TMEFF2: variants seen among roughly 807,000 people sequenced by gnomAD.
TMEFF2 encodes the protein transmembrane protein with EGF like and two follistatin like domains 2.
A neutral mutation model predicts 53.8 loss-of-function variants in TMEFF2; 28 were observed. That is an observed-to-expected ratio of 0.52 (90% CI 0.39 to 0.71). The LOEUF is 0.71. Ranked by LOEUF, TMEFF2 falls within the 30% of genes least tolerant of loss-of-function variation. The pLI is 0.00. For synonymous variants in TMEFF2, 162 were observed against 166.3 expected, an observed-to-expected ratio of 0.97 and a Z score of 0.20; for missense variants, 353 against 455.2, an observed-to-expected ratio of 0.78 and a Z score of 2.04.
In TMEFF2 at chr2:191,950,249, T is replaced by C; in HGVS notation, c.*62A>G. ...AGATCTCTTGTCTTATTCTTTTGTCTATAATACTGTATTGTGTAGTCCAAG... is the reference window on the plus strand; with the variant it reads ...AGATCTCTTGTCTTATTCTTTTGTCCATAATACTGTATTGTGTAGTCCAAG... On this transcript the variant is annotated 3_prime_UTR_variant, in exon 10 of 10. Transcript: ENST00000272771. 1 of 1,441,892 alleles carries C rather than the reference T, an allele frequency of 6.9e-7. No individual in the cohort carries two copies. The highest frequency in any genetic ancestry group is 9.2e-7 in the Non-Finnish European group (1 of 1,092,642). The allele number at this position is 1,441,892 out of a possible 1,614,324, so 89.3% of individuals were successfully genotyped here.
chr2:192,117,305 A>C (rs531330260), intron 4 of TMEFF2, among the ~76,000 whole-genome samples: 1 of 152,296 alleles, frequency 6.6e-6, no homozygotes, highest in South Asian at 2.1e-4. Flanking sequence ...GTAGACTTAA[A>C]ATTATTTAAT....
intron 4 of TMEFF2, among the ~76,000 whole-genome samples, chr2:192,101,991 T>C (rs1469986573): frequency 6.6e-6 from 1 of 152,174 alleles, no homozygotes; most frequent in Non-Finnish European, 1.5e-5. Context: ...AATGAGATTC[T>C]ACATATAAAG....
At chr2:191,972,964 ATAAT>A (rs1339892248) in intron 7 of TMEFF2, among the ~76,000 whole-genome samples, 1 of 152,222 alleles carries the variant, frequency 6.6e-6, no homozygotes, top group African/African-American at 2.4e-5. Context: ...TAGCTACTAA[ATAAT>A]AGTAAGATAA....
Position 191,950,066 on chromosome 2 carries a change from G to A in TMEFF2, c.*245C>T. 11 of 1,215,728 alleles carry A rather than the reference G, an allele frequency of 9.0e-6. No homozygotes were observed. Among genetic ancestry groups the A allele is most frequent in the Non-Finnish European group, 1.1e-5 (11 of 968,232 alleles). The allele number at this position is 1,215,728 out of a possible 1,614,324, so 75.3% of individuals were successfully genotyped here. On this transcript the variant is annotated 3_prime_UTR_variant, in exon 10 of 10. Coordinates refer to ENST00000272771, the MANE Select transcript of TMEFF2 (RefSeq NM_016192.4). ...TTATATATAACAAATACATGGGAAA[G>A]AAAAAACTATATTGTGTGATATAAA...
At chr2:191,993,301 A>G (rs1350680810) in intron 7 of TMEFF2, among the ~76,000 whole-genome samples, 1 of 152,066 alleles carries the variant, frequency 6.6e-6, no homozygotes, top group Non-Finnish European at 1.5e-5. Context: ...TTTCTTCCAC[A>G]TTTCAGACCT....
chr2:192,009,759 C>A lies in TMEFF2; in HGVS notation c.537-10551G>T, dbSNP rs188518919. The stretch of plus-strand genomic sequence containing the variant: ...GAAATATGATTAAGGTAGGAGAACA[C>A]CTTAATTTTATCTGTAATATTATGG... On this transcript the variant is annotated intron_variant, in intron 5 of 9. Coordinates refer to ENST00000272771, the MANE Select transcript of TMEFF2 (RefSeq NM_016192.4). Among the ~76,000 whole-genome samples, 3 of 152,172 alleles carry A rather than the reference C, an allele frequency of 2.0e-5. No individual in the cohort carries two copies. In the East Asian group the frequency reaches 5.8e-4, roughly 29 times the overall value.
chr2:192,053,672 T>C (rs1228050266), intron 5 of TMEFF2, among the ~76,000 whole-genome samples: 1 of 152,218 alleles, frequency 6.6e-6, no homozygotes, highest in Non-Finnish European at 1.5e-5. Flanking sequence ...TATTTTATGT[T>C]TGAGAGAACC....
intron 4 of TMEFF2, among the ~76,000 whole-genome samples, chr2:192,091,441 G>A (rs531111036): frequency 6.6e-6 from 1 of 152,098 alleles, no homozygotes; most frequent in African/African-American, 2.4e-5. Context: ...TTGCACAAAG[G>A]AAAGAAAAGC....
chr2:192,088,641 C>T (rs1688719131), intron 4 of TMEFF2, among the ~76,000 whole-genome samples: 1 of 152,156 alleles, frequency 6.6e-6, no homozygotes, highest in Non-Finnish European at 1.5e-5. Flanking sequence ...ATTCTTTGCT[C>T]TCTAGGCAAA....
chr2:192,096,699 G>A (rs1414643486), intron 4 of TMEFF2, among the ~76,000 whole-genome samples: 3 of 88,124 alleles, frequency 3.4e-5, no homozygotes, highest in African/African-American at 1.7e-4. Flanking sequence ...TTTTTGAGGT[G>A]GAGTTTCGCT....
At chr2:192,164,597 A>C (rs1340489407) in intron 4 of TMEFF2, among the ~76,000 whole-genome samples, 2 of 151,932 alleles carry the variant, frequency 1.3e-5, no homozygotes, top group African/African-American at 4.8e-5. Context: ...GCGTGGTGGT[A>C]TGTGCCTGCA....
intron 4 of TMEFF2, among the ~76,000 whole-genome samples, chr2:192,067,011 G>A (rs1229817540): frequency 1.3e-5 from 2 of 151,698 alleles, no homozygotes; most frequent in African/African-American, 4.8e-5. Context: ...GGCTACTGGA[G>A]GGCAAATCCC....
intron 4 of TMEFF2, among the ~76,000 whole-genome samples, chr2:192,096,116 T>C (rs1046648396): frequency 1.3e-5 from 2 of 152,308 alleles, no homozygotes; most frequent in African/African-American, 2.4e-5. Flanking sequence ...GGTGTTCTAC[T>C]ATGAAAAACA....
intron 5 of TMEFF2, among the ~76,000 whole-genome samples, chr2:192,025,406 C>T (rs1226320413): frequency 1.3e-5 from 2 of 149,040 alleles, no homozygotes; most frequent in African/African-American, 2.5e-5. Context: ...AATGATATAG[C>T]GTTCTTGTTA....
chr2:192,096,625 C>CT (rs1264477123), intron 4 of TMEFF2, among the ~76,000 whole-genome samples: 3 of 130,968 alleles, frequency 2.3e-5, no homozygotes, highest in Non-Finnish European at 4.8e-5. Flanking sequence ...AGTGCTATTT[C>CT]TTTTTTTCTT....
At position 192,151,271 on chromosome 2, in the gene TMEFF2, G is replaced by A. The variant is rs1050782832; in HGVS notation, c.439+28397C>T. On this transcript the variant is annotated intron_variant, in intron 4 of 9. Coordinates refer to ENST00000272771, the MANE Select transcript of TMEFF2 (RefSeq NM_016192.4). ...GTCTCAAGTATGTCTTTATAGCAGTGTGAAAACAAACTAATACACTTGGTT... is the reference window on the plus strand; with the variant it reads ...GTCTCAAGTATGTCTTTATAGCAGTATGAAAACAAACTAATACACTTGGTT... Among the ~76,000 whole-genome samples, 3 of 151,762 alleles carry A rather than the reference G, an allele frequency of 2.0e-5. No individual in the cohort carries two copies. The South Asian group carries it at 6.2e-4, about 31-fold the overall frequency.
chr2:192,131,789 C>G (rs111552533), intron 4 of TMEFF2, among the ~76,000 whole-genome samples: 2 of 151,898 alleles, frequency 1.3e-5, no homozygotes, highest in African/African-American at 2.4e-5. Flanking sequence ...AAAATCAAAG[C>G]GTCTTATTTT....
At chr2:191,969,410 T>C (rs1309410603) in intron 7 of TMEFF2, among the ~76,000 whole-genome samples, 1 of 151,996 alleles carries the variant, frequency 6.6e-6, no homozygotes, top group African/African-American at 2.4e-5. Flanking sequence ...TAAGGTGCAA[T>C]ATGGCAGAGA....
intron 4 of TMEFF2, among the ~76,000 whole-genome samples, chr2:192,126,841 A>G (rs1248213441): frequency 1.3e-5 from 2 of 151,780 alleles, no homozygotes; most frequent in African/African-American, 2.4e-5. Context: ...AAAACAAAAC[A>G]AAACAAACAA....
Sources: gnomAD v4.1 joint callset for allele counts (sites outside exome capture counted in the v4.1 genomes callset) on GRCh38, gnomAD v4.1.1 for gene constraint, MANE v1.5 for transcripts, NCBI Gene and HGNC (gene_info 2026-07-23, HGNC 2026-07-21) for gene names.